The following DCHS2 variants were observed in gnomAD, a reference collection of about 807,000 sequenced individuals.
DCHS2 encodes dachsous cadherin-related 2.
A neutral mutation model predicts 182.4 loss-of-function variants in DCHS2; 142 were observed. The ratio of observed to expected loss-of-function variants is 0.78; its 90% CI spans 0.68 to 0.89. DCHS2 has a LOEUF of 0.89. DCHS2 is among the 40% of genes least tolerant of loss of function. The pLI, the probability that DCHS2 is intolerant of heterozygous loss-of-function variation, is 0.00. For synonymous variants in DCHS2, 1,740 were observed against 1,663.3 expected (o/e 1.05, Z -1.12); for missense variants, 4,319 against 4,198.6 (o/e 1.03, Z -0.79).
intron 1 of DCHS2, among the ~76,000 whole-genome samples, chr4:154,378,520 A>AGAAGGAAAGAAGGAAG (rs1561078057): frequency 1.6e-5 from 1 of 64,016 alleles, no homozygotes; most frequent in Non-Finnish European, 3.7e-5. Flanking sequence ...AAGGAAGGAA[A>AGAAGGAAAGAAGGAAG]GAAGGAAGGA....
chr4:154,417,005 G>C (rs1461555499), intron 1 of DCHS2, among the ~76,000 whole-genome samples: 1 of 152,106 alleles, frequency 6.6e-6, no homozygotes, highest in Non-Finnish European at 1.5e-5. Context: ...CAGCTGCAGG[G>C]ATCACGGACG....
Position 154,321,748 on chromosome 4 carries a change from A to T in DCHS2, c.4177-526T>A, listed in dbSNP as rs115057552. ...TTCTTGTGGATATATATCCTTGGTT[A>T]TTGTATATACCTGTATTAATATTTC... On this transcript the variant is annotated intron_variant, in intron 8 of 19. Transcript: ENST00000357232. 2.3e-3 allele frequency among the ~76,000 whole-genome samples: 350 copies of T among 152,292 alleles called. 2 individuals carry two copies. Among genetic ancestry groups the T allele is most frequent in the African/African-American group, 8.0e-3 (331 of 41,580 alleles).
chr4:154,430,134 C>T (rs1466594782), intron 1 of DCHS2, among the ~76,000 whole-genome samples: 2 of 152,126 alleles, frequency 1.3e-5, no homozygotes, highest in African/African-American at 4.8e-5. Flanking sequence ...AAGAGGCATA[C>T]ATGTGAAATA....
At chr4:154,314,516 T>G (rs983027800) in intron 10 of DCHS2, among the ~76,000 whole-genome samples, 8 of 152,180 alleles carry the variant, frequency 5.3e-5, no homozygotes, top group Admixed American at 5.2e-4. Context: ...AAAAGAGTGT[T>G]AGTAACATCA....
chr4:154,408,990 C>T (rs116397295), intron 1 of DCHS2, among the ~76,000 whole-genome samples: 183 of 152,178 alleles, frequency 1.2e-3, no homozygotes, highest in African/African-American at 4.2e-3. Flanking sequence ...ACAAAATGGG[C>T]CTGAGATAAA....
intron 2 of DCHS2, among the ~76,000 whole-genome samples, chr4:154,375,128 C>T (rs922942880): frequency 3.3e-5 from 5 of 151,944 alleles, no homozygotes; most frequent in African/African-American, 1.2e-4. Flanking sequence ...GTAAGTGGTG[C>T]TGAGTTAATC....
At chr4:154,327,545 T>C (rs1736329527) in intron 7 of DCHS2, among the ~76,000 whole-genome samples, 1 of 152,112 alleles carries the variant, frequency 6.6e-6, no homozygotes. Flanking sequence ...TAAAATTATA[T>C]AAAACACAAT....
chr4:154,416,354 G>C (rs934362664), intron 1 of DCHS2, among the ~76,000 whole-genome samples: 7 of 152,142 alleles, frequency 4.6e-5, no homozygotes, highest in Non-Finnish European at 1.0e-4. Flanking sequence ...CCCCCACCTC[G>C]CATCCCAGGA....
chr4:154,297,592 A>G (rs1376773299), intron 13 of DCHS2, among the ~76,000 whole-genome samples: 1 of 152,212 alleles, frequency 6.6e-6, no homozygotes, highest in African/African-American at 2.4e-5. Context: ...CCACTTATTC[A>G]TTAGCTTTTC....
intron 1 of DCHS2, among the ~76,000 whole-genome samples, chr4:154,484,638 A>G (rs4696589): frequency 0.91 from 138,345 of 152,034 alleles, 64,312 homozygotes; most frequent in East Asian, 1. Flanking sequence ...ATTCAGTAAG[A>G]TTAAAATAAC....
At chr4:154,458,843 G>T (rs1734881713) in intron 1 of DCHS2, among the ~76,000 whole-genome samples, 2 of 152,148 alleles carry the variant, frequency 1.3e-5, no homozygotes, top group African/African-American at 4.8e-5. Flanking sequence ...CTCTAAGGTT[G>T]CAGTTTCTCA....
intron 16 of DCHS2, among the ~76,000 whole-genome samples, chr4:154,249,760 G>A (rs1732263146): frequency 6.6e-6 from 1 of 152,120 alleles, no homozygotes; most frequent in East Asian, 1.9e-4. Context: ...GATAGAGATG[G>A]AGGCTATAAT....
intron 10 of DCHS2, among the ~76,000 whole-genome samples, chr4:154,312,095 A>T (rs1735691901): frequency 1.3e-5 from 2 of 152,196 alleles, no homozygotes; most frequent in South Asian, 2.1e-4. Context: ...CAGCCTAAGT[A>T]GGCGATGGCT....
At chr4:154,237,337 AC>A (rs1489490398) in intron 19 of DCHS2, 178 bp from the exon 20 acceptor site, 1 of 854,554 alleles carries the variant, frequency 1.2e-6, no homozygotes, top group Admixed American at 3.5e-5. Context: ...TATGTTTATA[AC>A]ATGTAAGATA....
intron 1 of DCHS2, among the ~76,000 whole-genome samples, chr4:154,479,788 A>T (rs918389503): frequency 1.3e-5 from 2 of 152,210 alleles, no homozygotes; most frequent in African/African-American, 2.4e-5. Flanking sequence ...TCAAACATTA[A>T]TTTATAAATT....
chr4:154,342,850 C>T (rs113583942), intron 3 of DCHS2, among the ~76,000 whole-genome samples: 5,112 of 152,230 alleles, frequency 0.034, 287 homozygotes, highest in African/African-American at 0.12. Context: ...ATGGTGCATC[C>T]TTTCCAGAAA....
chr4:154,490,640 G>C lies in DCHS2; in HGVS notation c.716C>G (p.Ser239Cys), dbSNP rs1273487383. The change falls in exon 1 of 20, where the codon TCC becomes TGC. Residue 239 changes from serine (S) to cysteine (C), a missense_variant. By Grantham distance (112) the Ser-to-Cys change is moderately radical. Coordinates refer to ENST00000357232, the MANE Select transcript of DCHS2 (RefSeq NM_001358235.2). ...ATCTAGAGGCTCCAGGGGTGACGAG[G>C]AGCCTGGCAAAAGCGGTGACGGTAG... is the stretch of plus-strand genomic sequence containing the variant. ...GPLPSPLLPG[S>C]SSPLEPLDLV... 1 of 1,550,952 alleles carries C rather than the reference G, an allele frequency of 6.4e-7. No homozygotes were observed. The highest frequency in any genetic ancestry group is 1.4e-5 in the African/African-American group (1 of 73,042).
Position 154,242,747 on chromosome 4 carries a change from C to G in DCHS2, c.6967G>C (p.Gly2323Arg). Residue 2323 changes from glycine (G) to arginine (R), a missense_variant, in exon 17 of 20, where the codon GGG becomes CGG. Transcript: ENST00000357232. ...GTCGTATTAGAAAGCCTGGGCATCCCTTTATCTGTGGCTTGGACAATCAAG... is the reference window on the plus strand; with the variant it reads ...GTCGTATTAGAAAGCCTGGGCATCCGTTTATCTGTGGCTTGGACAATCAAG... ...YSLIVQATDK[G>R]MPRLSNTTVI... 1 of 1,611,818 alleles carries G rather than the reference C, an allele frequency of 6.2e-7. No individual in the cohort carries two copies. The highest frequency in any genetic ancestry group is 8.5e-7 in the Non-Finnish European group (1 of 1,178,932).
intron 14 of DCHS2, among the ~76,000 whole-genome samples, chr4:154,265,233 G>A (rs761972568): frequency 1.3e-5 from 2 of 151,936 alleles, no homozygotes; most frequent in African/African-American, 4.8e-5. Flanking sequence ...TTCATTTACC[G>A]TAGTGAGAAA....
Sources: allele counts gnomAD v4.1 joint callset (sites outside exome capture counted in the v4.1 genomes callset), GRCh38; gene constraint gnomAD v4.1.1; transcripts MANE v1.5; gene names NCBI Gene and HGNC (gene_info 2026-07-23, HGNC 2026-07-21).